LRRFIP1: variants seen among roughly 807,000 people sequenced by gnomAD.
The protein encoded by LRRFIP1 is LRR binding FLII interacting protein 1, also known as leucine-rich repeat flightless-interacting protein 1.
LRRFIP1 carries 62 observed loss-of-function variants against 104.4 expected under a neutral mutation model. That is an observed-to-expected ratio of 0.59 (90% CI 0.48 to 0.73). The LOEUF is 0.73. Ranked by LOEUF, LRRFIP1 falls within the 30% of genes least tolerant of loss-of-function variation. The pLI is 0.00. For missense variants in LRRFIP1, 796 were observed against 824.5 expected (o/e 0.97, Z 0.42); for synonymous variants, 300 against 299.0 (o/e 1.00, Z -0.03).
intron 1 of LRRFIP1, among the ~76,000 whole-genome samples, chr2:237,673,419 A>C (rs2090641873): frequency 6.6e-6 from 1 of 152,200 alleles, no homozygotes; most frequent in South Asian, 2.1e-4. Flanking sequence ...AAGAGAGCTG[A>C]GGGGTCAGAT....
At chr2:237,627,818 C>T in intron 1 of LRRFIP1, 78 bp downstream of exon 1, 1 of 940,954 alleles carries the variant, frequency 1.1e-6, no homozygotes, top group Non-Finnish European at 1.4e-6. Context: ...TCTCCGGCGT[C>T]CGTCTGTCCC....
intron 1 of LRRFIP1, among the ~76,000 whole-genome samples, chr2:237,685,179 G>T (rs2092272959): frequency 6.7e-6 from 1 of 148,570 alleles, no homozygotes; most frequent in Admixed American, 6.8e-5. Flanking sequence ...GGAGGTGTTT[G>T]TGGCCATTTC....
At chr2:237,740,937 A>G (rs1437659973) in intron 11 of LRRFIP1, among the ~76,000 whole-genome samples, 1 of 152,134 alleles carries the variant, frequency 6.6e-6, no homozygotes, top group Non-Finnish European at 1.5e-5. Flanking sequence ...AGAGTTCAAT[A>G]TGGGTGGGCA....
chr2:237,694,640 A>G, intron 1 of LRRFIP1, among the ~76,000 whole-genome samples: 1 of 152,154 alleles, frequency 6.6e-6, no homozygotes, highest in Admixed American at 6.5e-5. Context: ...TGGGGGCCGC[A>G]CCCATGCAGA....
rs1448591558 is a variant in LRRFIP1, at chr2:237,688,711, G to A, written c.97-19833G>A. On this transcript the variant is annotated intron_variant, in intron 1 of 23. Coordinates refer to ENST00000308482, the MANE Select transcript of LRRFIP1 (RefSeq NM_001137550.2). ...TGGGCTCAGGTGATCCACCCTCCTC[G>A]GCCTCCCCAAGTGCTGGGATTACAG... is the stretch of plus-strand genomic sequence containing the variant. 5.3e-5 allele frequency among the ~76,000 whole-genome samples: 8 copies of A among 151,876 alleles called. No homozygotes were observed. In the South Asian group the frequency reaches 6.3e-4, roughly 12 times the overall value.
rs1235310028 is a variant in LRRFIP1, at chr2:237,772,888, C to T, written c.1650C>T (p.Ser550=). ...TAGGGGATGCCAACAGACAGATCAG[C>T]GACCTCAAATTTAAACTTGCAAAAT... ...DLQRDANRQI[S]DLKFKLAKSE... Residue 550 remains serine (S), a synonymous_variant, in exon 22 of 24, where the codon AGC becomes AGT. Coordinates refer to ENST00000308482, the MANE Select transcript of LRRFIP1 (RefSeq NM_001137550.2). 1.9e-6 allele frequency: 3 copies of T among 1,613,582 alleles called. No homozygotes were observed. Among genetic ancestry groups the T allele is most frequent in the Admixed American group, 1.7e-5 (1 of 60,006 alleles).
intron 1 of LRRFIP1, among the ~76,000 whole-genome samples, chr2:237,694,637 C>T (rs546428064): frequency 5.3e-5 from 8 of 152,126 alleles, no homozygotes; most frequent in Admixed American, 1.3e-4. Flanking sequence ...GACTGGGGGC[C>T]GCACCCATGC....
At position 237,704,641 on chromosome 2, in the gene LRRFIP1, TCCGG is replaced by T. The variant is rs1490628524; in HGVS notation, c.97-3902_97-3899del. ...ATTGCCTGTAAGCTAAGTTGCCACT[TCCGG>T]TATTGCCAGCACTTTGTTTTCCACA... On this transcript the variant is annotated intron_variant, in intron 1 of 23. Coordinates refer to ENST00000308482, the MANE Select transcript of LRRFIP1 (RefSeq NM_001137550.2). Among the ~76,000 whole-genome samples the T allele has an allele frequency of 2.8e-4, 42 of 152,340 alleles. 2 individuals carry two copies. Among genetic ancestry groups the T allele is most frequent in the African/African-American group, 7.7e-4 (32 of 41,586 alleles).
chr2:237,779,545 A>T lies in LRRFIP1; in HGVS notation c.*13A>T. Reference sequence around the variant, plus strand: ...GTCCCAGCAGTAAATTCCAGCTCTGATCAGGCAACTGGTTGGTGACTGGAG... The same window carrying T: ...GTCCCAGCAGTAAATTCCAGCTCTGTTCAGGCAACTGGTTGGTGACTGGAG... On this transcript the variant is annotated 3_prime_UTR_variant, in exon 24 of 24. Transcript: ENST00000308482. 1 of 1,603,110 alleles carries T rather than the reference A, an allele frequency of 6.2e-7. No individual in the cohort carries two copies. Among genetic ancestry groups the T allele is most frequent in the Non-Finnish European group, 8.5e-7 (1 of 1,170,376 alleles).
chr2:237,748,247 A>G (rs570055938), intron 11 of LRRFIP1, 117 bp from the exon 12 acceptor site: 46 of 842,678 alleles, frequency 5.5e-5, no homozygotes, highest in Admixed American at 2.8e-4. Context: ...TTCTGCTTCT[A>G]AATTACAAAG....
At chr2:237,726,118 A>T (rs1333660638) in intron 7 of LRRFIP1, among the ~76,000 whole-genome samples, 2 of 152,228 alleles carry the variant, frequency 1.3e-5, no homozygotes, top group African/African-American at 4.8e-5. Flanking sequence ...AAAGGAAATT[A>T]GTCTGAGTAA....
intron 1 of LRRFIP1, among the ~76,000 whole-genome samples, chr2:237,683,007 TG>T (rs2091989934): frequency 6.6e-6 from 1 of 152,184 alleles, no homozygotes; most frequent in Non-Finnish European, 1.5e-5. Flanking sequence ...TTGTAACAGC[TG>T]GGGTGGAGAG....
intron 1 of LRRFIP1, among the ~76,000 whole-genome samples, chr2:237,640,401 G>T (rs915383655): frequency 6.6e-6 from 1 of 151,930 alleles, no homozygotes. Flanking sequence ...TCTAGGTGCC[G>T]GCACATTCAG....
chr2:237,730,549 G>T (rs903371), intron 8 of LRRFIP1, among the ~76,000 whole-genome samples: 19,178 of 152,110 alleles, frequency 0.13, 2,771 homozygotes, highest in African/African-American at 0.36. Context: ...ACCAGTACAG[G>T]AGTGAACAGA....
In LRRFIP1 at chr2:237,703,493, G is replaced by A. The variant is rs111314683; in HGVS notation, c.97-5051G>A. On this transcript the variant is annotated intron_variant, in intron 1 of 23. Transcript: ENST00000308482. The surrounding 1 kb of genome is among the most constrained non-coding windows in gnomAD (Gnocchi z 4.3). ...TCTTTCAAGACGAGGTTCCAGATAC[G>A]GAGGCTGAGGGCGAGGGTCTGCACC... 2.0e-5 allele frequency among the ~76,000 whole-genome samples: 3 copies of A among 152,234 alleles called. No individual in the cohort carries two copies. The highest frequency in any genetic ancestry group is 6.5e-5 in the Admixed American group (1 of 15,292).
At chr2:237,660,888 A>G (rs1012395615) in intron 1 of LRRFIP1, among the ~76,000 whole-genome samples, 2 of 152,182 alleles carry the variant, frequency 1.3e-5, no homozygotes, top group African/African-American at 4.8e-5. Context: ...TTGAGTTTAT[A>G]TATTCCATCA....
At chr2:237,694,118 G>C (rs2093003426) in intron 1 of LRRFIP1, among the ~76,000 whole-genome samples, 1 of 152,180 alleles carries the variant, frequency 6.6e-6, no homozygotes, top group Non-Finnish European at 1.5e-5. Flanking sequence ...CCTGTCCAAT[G>C]GGGGGCTAGT....
At chr2:237,756,289 A>G (rs1428827957) in intron 16 of LRRFIP1, 102 bp downstream of exon 16, 3 of 755,682 alleles carry the variant, frequency 4.0e-6, no homozygotes, top group Non-Finnish European at 6.5e-6. Context: ...AATACCATAC[A>G]CAGCATGGCT....
Position 237,749,299 on chromosome 2 carries a change from C to G in LRRFIP1, c.770C>G (p.Thr257Ser). The G allele has an allele frequency of 6.2e-7, 1 of 1,613,842 alleles. No homozygotes were observed. Among genetic ancestry groups the G allele is most frequent in the Non-Finnish European group, 8.5e-7 (1 of 1,179,974 alleles). Residue 257 changes from threonine to serine, a missense_variant, in exon 13 of 24, where the codon ACC becomes AGC. Transcript: ENST00000308482. Reference protein sequence around the residue: ...GSGDTSISIDTEASIREIKEL... With the variant: ...GSGDTSISIDSEASIREIKEL... ...GGAGACACCTCCATCTCCATCGACA[C>G]CGAGGCATCCATCAGGGAAATCAAG... is the stretch of plus-strand genomic sequence containing the variant.
Sources: allele counts gnomAD v4.1 joint callset (sites outside exome capture counted in the v4.1 genomes callset), GRCh38; gene constraint gnomAD v4.1.1; non-coding constraint Gnocchi (gnomAD v3.1); transcripts MANE v1.5; gene names NCBI Gene and HGNC (gene_info 2026-07-23, HGNC 2026-07-21).